RAB6A: variants seen among roughly 807,000 people sequenced by gnomAD.
RAB6A encodes ras-related protein Rab-6A.
A neutral mutation model predicts 32.3 loss-of-function variants in RAB6A; 8 were observed. The ratio of observed to expected loss-of-function variants is 0.25; its 90% CI spans 0.15 to 0.45. The LOEUF is 0.45. RAB6A is among the 20% of genes least tolerant of loss of function. RAB6A has a pLI of 1.00. For synonymous variants in RAB6A, 73 were observed against 82.1 expected (o/e 0.89, Z 0.60); for missense variants, 104 against 249.4 (o/e 0.42, Z 3.93).
intron 1 of RAB6A, among the ~76,000 whole-genome samples, chr11:73,737,265 G>A (rs548962487): frequency 1.3e-5 from 2 of 152,070 alleles, no homozygotes; most frequent in Non-Finnish European, 2.9e-5. Flanking sequence ...GAGGAGGATC[G>A]AGTGAATACA....
chr11:73,760,361 A>C (rs895502443), intron 1 of RAB6A, among the ~76,000 whole-genome samples: 1 of 152,006 alleles, frequency 6.6e-6, no homozygotes, highest in Admixed American at 6.5e-5. Context: ...CGGGGAGTCG[A>C]GGATTGAAGA....
At chr11:73,732,350 G>A (rs1468890641) in intron 1 of RAB6A, among the ~76,000 whole-genome samples, 1 of 152,056 alleles carries the variant, frequency 6.6e-6, no homozygotes, top group Non-Finnish European at 1.5e-5. Context: ...ACTTTGGGAG[G>A]CCGAGGCGGG....
intron 5 of RAB6A, among the ~76,000 whole-genome samples, chr11:73,709,850 T>C (rs1252426480): frequency 3.5e-4 from 16 of 46,102 alleles, no homozygotes; most frequent in African/African-American, 8.1e-4. Context: ...CACATATATA[T>C]ACATATATAC....
At chr11:73,690,130 TA>T (rs1312588860) in intron 6 of RAB6A, among the ~76,000 whole-genome samples, 5 of 152,300 alleles carry the variant, frequency 3.3e-5, no homozygotes, top group African/African-American at 1.2e-4. Flanking sequence ...AAAGAAACTC[TA>T]CTATTAACTA....
At chr11:73,734,712 G>C (rs1946367611) in intron 1 of RAB6A, among the ~76,000 whole-genome samples, 1 of 152,170 alleles carries the variant, frequency 6.6e-6, no homozygotes, top group Admixed American at 6.5e-5. Flanking sequence ...GCACTGATCT[G>C]ACAGGAGGTG....
At chr11:73,688,361 TG>T (rs1256508078) in intron 6 of RAB6A, among the ~76,000 whole-genome samples, 2 of 152,214 alleles carry the variant, frequency 1.3e-5, no homozygotes, top group African/African-American at 4.8e-5. Flanking sequence ...CTCTGTCTCT[TG>T]AAGTCCTATT....
chr11:73,759,692 TACC>T (rs901249298), intron 1 of RAB6A, among the ~76,000 whole-genome samples: 79 of 152,278 alleles, frequency 5.2e-4, no homozygotes, highest in African/African-American at 1.8e-3. Context: ...TTCCCTTTTG[TACC>T]ACCATGAGAC....
intron 1 of RAB6A, among the ~76,000 whole-genome samples, chr11:73,759,793 A>G (rs1408871892): frequency 6.6e-6 from 1 of 152,226 alleles, no homozygotes; most frequent in Non-Finnish European, 1.5e-5. Context: ...AGCATCTGGC[A>G]GAGATTGAAA....
intron 1 of RAB6A, among the ~76,000 whole-genome samples, chr11:73,756,947 T>TA (rs1358220369): frequency 6.6e-6 from 1 of 151,812 alleles, no homozygotes; most frequent in African/African-American, 2.4e-5. Flanking sequence ...GTGCTGGGAT[T>TA]ACAGGCGTGA....
At chr11:73,709,546 A>C (rs962503063) in intron 5 of RAB6A, among the ~76,000 whole-genome samples, 1 of 148,972 alleles carries the variant, frequency 6.7e-6, no homozygotes, top group Admixed American at 6.7e-5. Flanking sequence ...TGACCAGTAG[A>C]GCTTCTTTGA....
chr11:73,707,509 C>T lies in RAB6A; in HGVS notation c.406G>A (p.Val136Met). Residue 136 changes from valine (V) to methionine (M), a missense_variant, in exon 6 of 8, where the codon GTG becomes ATG. Val to Met is a conservative substitution (Grantham distance 21, BLOSUM62 1). This residue lies in a region of RAB6A where 21 missense variants were observed against 18.2 expected (regional missense o/e 1.15). Coordinates refer to ENST00000336083, the MANE Select transcript of RAB6A (RefSeq NM_198896.2). ...NKTDLADKRQ[V>M]SIEEGERKAK... Reference sequence around the variant, plus strand: ...TTCCTCTCTCCCTCCTCAATTGACACTTGCCTGTAAAGAAACAAACAAACT... The same window carrying T: ...TTCCTCTCTCCCTCCTCAATTGACATTTGCCTGTAAAGAAACAAACAAACT... The T allele has an allele frequency of 6.2e-7, 1 of 1,608,818 alleles. No homozygotes were observed. Among genetic ancestry groups the T allele is most frequent in the Non-Finnish European group, 8.5e-7 (1 of 1,175,480 alleles).
chr11:73,708,064 T>C (rs1945878415), intron 5 of RAB6A, among the ~76,000 whole-genome samples: 1 of 152,244 alleles, frequency 6.6e-6, no homozygotes, highest in African/African-American at 2.4e-5. Context: ...CCCAAACTAT[T>C]AGAATGCAAG....
chr11:73,744,270 G>A lies in RAB6A; in HGVS notation c.71-13447C>T, dbSNP rs145435244. On this transcript the variant is annotated intron_variant, in intron 1 of 7. Transcript: ENST00000336083. Reference sequence around the variant, plus strand: ...GGAGAATGGCGTGAACTCGGGAGGTGGAGGTTGCAGTGAGCCGAGATCGCA... The same window carrying A: ...GGAGAATGGCGTGAACTCGGGAGGTAGAGGTTGCAGTGAGCCGAGATCGCA... Among the ~76,000 whole-genome samples the A allele has an allele frequency of 5.2e-3, 787 of 151,192 alleles. 7 individuals are homozygous for A. Among genetic ancestry groups the A allele is most frequent in the African/African-American group, 0.017 (709 of 41,196 alleles).
At chr11:73,718,551 C>T in intron 4 of RAB6A, 62 bp downstream of exon 4, 2 of 1,348,398 alleles carry the variant, frequency 1.5e-6, no homozygotes, top group African/African-American at 1.5e-5. Flanking sequence ...AAGACAAGAA[C>T]ATGCATGCAG....
At chr11:73,687,431 A>C (rs897728913) in intron 6 of RAB6A, among the ~76,000 whole-genome samples, 11 of 152,318 alleles carry the variant, frequency 7.2e-5, no homozygotes, top group Admixed American at 4.6e-4. Flanking sequence ...CAATCCTCTC[A>C]TCTTGGCCTC....
chr11:73,720,641 C>G (rs181678085), intron 3 of RAB6A, among the ~76,000 whole-genome samples: 23 of 152,296 alleles, frequency 1.5e-4, no homozygotes, highest in Non-Finnish European at 3.1e-4. Context: ...CTTTAATTCT[C>G]TGTAAAGCTC....
intron 2 of RAB6A, among the ~76,000 whole-genome samples, chr11:73,721,624 T>C (rs1400677892): frequency 6.6e-6 from 1 of 152,006 alleles, no homozygotes; most frequent in Non-Finnish European, 1.5e-5. Flanking sequence ...TTAGGGGAGA[T>C]AAATAAAAAG....
At chr11:73,759,919 GCTACCCCTTTCACCCCC>G in intron 1 of RAB6A, 2 of 761,162 alleles carry the variant, frequency 2.6e-6, no homozygotes, top group South Asian at 1.6e-5. Flanking sequence ...CACTGCCGAC[GCTACCCCTTTCACCCCC>G]AACCACCCCA....
intron 6 of RAB6A, among the ~76,000 whole-genome samples, chr11:73,696,167 A>G (rs753051731): frequency 3.3e-5 from 5 of 152,088 alleles, no homozygotes; most frequent in Non-Finnish European, 7.4e-5. Flanking sequence ...GAATTCTTAG[A>G]TGAGTGTTCA....
Sources: allele counts gnomAD v4.1 joint callset (sites outside exome capture counted in the v4.1 genomes callset), GRCh38; gene constraint gnomAD v4.1.1; regional missense constraint gnomAD v4.1.1; transcripts MANE v1.5; gene names NCBI Gene and HGNC (gene_info 2026-07-23, HGNC 2026-07-21).